The following NLGN1 variants were observed in gnomAD, a reference collection of about 807,000 sequenced individuals.
The protein encoded by NLGN1 is neuroligin 1.
NLGN1 carries 12 observed loss-of-function variants against 65.5 expected under a neutral mutation model. That is an observed-to-expected ratio of 0.18 (90% confidence interval 0.12 to 0.30). The LOEUF (loss-of-function observed/expected upper bound fraction) is 0.30, where lower values mean the gene tolerates loss of function less well. Among genes scored for constraint, NLGN1 ranks in the 10% least tolerant of loss-of-function variants. The pLI is 1.00. For missense variants in NLGN1, 750 were observed against 1,007.1 expected (o/e 0.74, Z 3.46); for synonymous variants, 350 against 359.5 (o/e 0.97, Z 0.30).
chr3:173,508,721 C>T (rs1732438554), intron 2 of NLGN1, among the ~76,000 whole-genome samples: 1 of 152,108 alleles, frequency 6.6e-6, no homozygotes, highest in Admixed American at 6.6e-5. Flanking sequence ...TTGTCCTGCT[C>T]ATTAAAAAAG....
intron 4 of NLGN1, among the ~76,000 whole-genome samples, chr3:173,989,128 A>G (rs561237409): frequency 4.2e-4 from 64 of 152,282 alleles, no homozygotes; most frequent in African/African-American, 1.5e-3. Flanking sequence ...AAGCCCACAG[A>G]GCTCAAGGGA....
intron 3 of NLGN1, among the ~76,000 whole-genome samples, chr3:173,711,574 A>G (rs1768998488): frequency 6.6e-6 from 1 of 152,226 alleles, no homozygotes; most frequent in Non-Finnish European, 1.5e-5. Flanking sequence ...ATCAAAGCTC[A>G]TTAGTTTCAT....
intron 4 of NLGN1, among the ~76,000 whole-genome samples, chr3:173,947,799 C>A (rs541950234): frequency 6.6e-6 from 1 of 151,970 alleles, no homozygotes; most frequent in Non-Finnish European, 1.5e-5. Flanking sequence ...TGCCAATATC[C>A]CTTTTCATAC....
At chr3:173,826,134 C>A (rs572529232) in intron 4 of NLGN1, among the ~76,000 whole-genome samples, 1 of 152,086 alleles carries the variant, frequency 6.6e-6, no homozygotes, top group African/African-American at 2.4e-5. Flanking sequence ...GCAGGAATAG[C>A]AAACTCAAAA....
At chr3:173,480,598 GA>G (rs1481588840) in intron 2 of NLGN1, among the ~76,000 whole-genome samples, 1 of 151,998 alleles carries the variant, frequency 6.6e-6, no homozygotes, top group Non-Finnish European at 1.5e-5. Context: ...CCCAATCAAG[GA>G]CATCAACAGG....
At chr3:173,915,556 A>T (rs2152241026) in intron 4 of NLGN1, among the ~76,000 whole-genome samples, 1 of 152,350 alleles carries the variant, frequency 6.6e-6, no homozygotes, top group Admixed American at 6.5e-5. Flanking sequence ...TTGCCTTATA[A>T]CTAACCAGGT....
At chr3:174,270,602 G>A (rs1749217367) in intron 4 of NLGN1, among the ~76,000 whole-genome samples, 1 of 151,814 alleles carries the variant, frequency 6.6e-6, no homozygotes, top group Non-Finnish European at 1.5e-5. Flanking sequence ...TTTCATAGGT[G>A]AGTAGTGACA....
At chr3:174,039,111 C>T (rs911410065) in intron 4 of NLGN1, among the ~76,000 whole-genome samples, 2 of 152,072 alleles carry the variant, frequency 1.3e-5, no homozygotes, top group Non-Finnish European at 2.9e-5. Context: ...GCGTGAGACT[C>T]CTCGGGCATG....
At chr3:173,952,184 G>A (rs1471209794) in intron 4 of NLGN1, among the ~76,000 whole-genome samples, 1 of 152,158 alleles carries the variant, frequency 6.6e-6, no homozygotes, top group African/African-American at 2.4e-5. Flanking sequence ...TGTGGCACAG[G>A]TCTGTTCAAT....
At chr3:173,611,012 T>C (rs891675497) in intron 3 of NLGN1, among the ~76,000 whole-genome samples, 1 of 151,762 alleles carries the variant, frequency 6.6e-6, no homozygotes, top group African/African-American at 2.4e-5. Flanking sequence ...CTTCAGTAGG[T>C]GAGAAAGGTG....
chr3:173,995,009 C>T (rs1721973936), intron 4 of NLGN1, among the ~76,000 whole-genome samples: 2 of 152,284 alleles, frequency 1.3e-5, no homozygotes, highest in South Asian at 4.1e-4. Context: ...GTCTCCCATT[C>T]TTTACACACC....
chr3:173,558,825 A>G (rs1005197826), intron 2 of NLGN1, among the ~76,000 whole-genome samples: 1 of 152,132 alleles, frequency 6.6e-6, no homozygotes, highest in African/African-American at 2.4e-5. Flanking sequence ...CATATATCTC[A>G]TAATTTTCTT....
chr3:174,017,469 A>G (rs1726815073), intron 4 of NLGN1, among the ~76,000 whole-genome samples: 1 of 152,136 alleles, frequency 6.6e-6, no homozygotes, highest in Non-Finnish European at 1.5e-5. Flanking sequence ...AATCATAGGA[A>G]TTGGTAGTTT....
intron 4 of NLGN1, among the ~76,000 whole-genome samples, chr3:174,147,526 T>G (rs956014995): frequency 7.0e-6 from 1 of 143,248 alleles, no homozygotes; most frequent in African/African-American, 2.6e-5. Context: ...CTCCACTTCC[T>G]GGGTTCAAGT....
intron 2 of NLGN1, among the ~76,000 whole-genome samples, chr3:173,464,504 C>T (rs975824710): frequency 2.0e-5 from 3 of 146,668 alleles, no homozygotes; most frequent in Admixed American, 1.4e-4. Flanking sequence ...GGCGCAATCT[C>T]GGCTCACTGT....
At chr3:173,753,545 C>G (rs1240190869) in intron 3 of NLGN1, among the ~76,000 whole-genome samples, 1 of 152,140 alleles carries the variant, frequency 6.6e-6, no homozygotes, top group Non-Finnish European at 1.5e-5. Flanking sequence ...CTGGATGAAA[C>G]CACTGTTATG....
intron 2 of NLGN1, among the ~76,000 whole-genome samples, chr3:173,527,386 T>G (rs529678282): frequency 6.6e-6 from 1 of 152,300 alleles, no homozygotes; most frequent in Non-Finnish European, 1.5e-5. Context: ...TTCAGAATTT[T>G]TGTCCATTTT....
At chr3:174,088,445 A>T (rs546329652) in intron 4 of NLGN1, among the ~76,000 whole-genome samples, 4 of 152,256 alleles carry the variant, frequency 2.6e-5, no homozygotes, top group African/African-American at 4.8e-5. Context: ...TAGGATTTTT[A>T]AAAATCATTA....
chr3:173,507,520 C>T (rs1732228983), intron 2 of NLGN1, among the ~76,000 whole-genome samples: 1 of 152,034 alleles, frequency 6.6e-6, no homozygotes, highest in South Asian at 2.1e-4. Flanking sequence ...TTAGTATGTC[C>T]ACCATGGTAC....
Sources: allele counts gnomAD v4.1 joint callset (sites outside exome capture counted in the v4.1 genomes callset), GRCh38; gene constraint gnomAD v4.1.1; transcripts MANE v1.5; gene names NCBI Gene and HGNC (gene_info 2026-07-23, HGNC 2026-07-21).